Variants in LIMS2 observed in about 807,000 individuals in gnomAD.
The protein encoded by LIMS2 is LIM and senescent cell antigen-like-containing domain protein 2.
A neutral mutation model predicts 45.3 loss-of-function variants in LIMS2; 30 were observed. The observed-to-expected ratio is 0.66, with a 90% CI of 0.50 to 0.90. LIMS2 has a LOEUF of 0.90. LIMS2 is among the 40% of genes least tolerant of loss of function. LIMS2 has a pLI of 0.00. For missense variants in LIMS2, 485 were observed against 468.7 expected, an observed-to-expected ratio of 1.03 and a Z score of -0.32; for synonymous variants, 173 against 188.0, an observed-to-expected ratio of 0.92 and a Z score of 0.65.
At chr2:127,670,408 G>A (rs1685223532) in intron 1 of LIMS2, among the ~76,000 whole-genome samples, 1 of 152,214 alleles carries the variant, frequency 6.6e-6, no homozygotes, top group Non-Finnish European at 1.5e-5. Context: ...CTCCATTTAT[G>A]TGAAATGTCC....
chr2:127,678,997 G>A (rs985600078), upstream of LIMS2, among the ~76,000 whole-genome samples: 1 of 152,178 alleles, frequency 6.6e-6, no homozygotes, highest in South Asian at 2.1e-4. This position sits in a 1 kb window ranked among gnomAD's most constrained non-coding sequence, Gnocchi z 5.3. Context: ...AGGTGGGACT[G>A]GCAGAAAGTG....
chr2:127,640,373 G>A, intron 7 of LIMS2, 55 bp from the exon 8 acceptor site: 2 of 1,580,694 alleles, frequency 1.3e-6, no homozygotes, highest in South Asian at 1.1e-5. Context: ...CCCAGCCCAG[G>A]GCCATCATGC....
At chr2:127,663,686 A>C (rs1573835812) in intron 1 of LIMS2, among the ~76,000 whole-genome samples, 1 of 129,016 alleles carries the variant, frequency 7.8e-6, no homozygotes, top group Non-Finnish European at 1.6e-5. Flanking sequence ...CCTATCTGTC[A>C]CCTTGATGCC....
intron 3 of LIMS2, 79 bp from the exon 4 acceptor site, chr2:127,654,623 A>C (rs1684123180): frequency 6.3e-7 from 1 of 1,596,372 alleles, no homozygotes; most frequent in Non-Finnish European, 8.6e-7. Flanking sequence ...CTGTCCACCT[A>C]GCACTCCGCC....
chr2:127,650,804 T>C (rs1683675652), intron 4 of LIMS2: 4 of 1,613,794 alleles, frequency 2.5e-6, no homozygotes, highest in Admixed American at 1.7e-5. Context: ...CAGAGCAATG[T>C]GGCCAGGAGA....
intron 4 of LIMS2, chr2:127,643,516 A>G (rs2244507): frequency 0.63 from 286,500 of 456,624 alleles, 94,309 homozygotes; most frequent in African/African-American, 0.88. Flanking sequence ...GGGGTTTGCC[A>G]GATGAAGAAG....
chr2:127,661,676 C>T (rs1379780212), intron 1 of LIMS2, among the ~76,000 whole-genome samples: 5 of 152,202 alleles, frequency 3.3e-5, no homozygotes, highest in Non-Finnish European at 5.9e-5. Context: ...CATGCCCTTC[C>T]TCAGCCCTCT....
rs1176256154 is a variant in LIMS2 at position 127,671,735 on chromosome 2, G to A, written c.11+3279C>T. 2.6e-5 allele frequency among the ~76,000 whole-genome samples: 4 copies of A among 152,248 alleles called. No homozygotes were observed. Among genetic ancestry groups the A allele is most frequent in the African/African-American group, 9.6e-5 (4 of 41,458 alleles). On this transcript the variant is annotated intron_variant, in intron 1 of 9. Transcript: ENST00000355119. The surrounding 1 kb of genome is among the most constrained non-coding windows in gnomAD (Gnocchi z 4.1). ...TAGAAGGGGCCAGTCAGCACCAGAAGTAGAAGAAAAAGGAAGGAGGTGAGG... is the reference window on the plus strand; with the variant it reads ...TAGAAGGGGCCAGTCAGCACCAGAAATAGAAGAAAAAGGAAGGAGGTGAGG...
intron 1 of LIMS2, among the ~76,000 whole-genome samples, chr2:127,663,351 C>T (rs565401947): frequency 1.4e-4 from 22 of 152,348 alleles, no homozygotes; most frequent in Admixed American, 6.5e-4. Context: ...CCAGCACAAG[C>T]GGGAGCCCAG....
Position 127,642,741 on chromosome 2 carries a change from G to T in LIMS2, c.509+182C>A. ...CCTGGAGAGAGAAGCTTCCTGCCAT[G>T]GCTGCTTCCCAGCCCCCAGCCCACC... On this transcript the variant is annotated intron_variant, in intron 5 of 9. Coordinates refer to ENST00000355119, the MANE Select transcript of LIMS2 (RefSeq NM_001161403.3). The surrounding 1 kb of genome is among the most constrained non-coding windows in gnomAD (Gnocchi z 5.3). 1.5e-6 allele frequency: 1 copy of T among 658,328 alleles called. No homozygotes were observed. The highest frequency in any genetic ancestry group is 2.5e-6 in the Non-Finnish European group (1 of 394,152). 40.8% of individuals were successfully genotyped at this position (658,328 alleles called of 1,614,324 possible). A position where few individuals can be genotyped will look rare whatever the true frequency, so the allele number is the denominator to read the frequency against.
At chr2:127,640,730 G>T in intron 7 of LIMS2, 166 bp downstream of exon 7, 1 of 641,862 alleles carries the variant, frequency 1.6e-6, no homozygotes, top group South Asian at 1.8e-5. Flanking sequence ...GAAGAGAGCT[G>T]CCCAGGTCTC....
Position 127,660,972 on chromosome 2 carries a change from G to A in LIMS2, c.12-3410C>T, listed in dbSNP as rs12620491. On this transcript the variant is annotated intron_variant, in intron 1 of 9. Transcript: ENST00000355119. ...GGTGGCCACCTCCTTCCTGTGCCCA[G>A]GGGCTGCCCCAGCCCAAGTCACAGA... Among the ~76,000 whole-genome samples the A allele has an allele frequency of 2.8e-4, 42 of 152,340 alleles. No homozygotes were observed. In the East Asian group the frequency reaches 7.7e-3, roughly 28 times the overall value.
intron 4 of LIMS2, among the ~76,000 whole-genome samples, chr2:127,654,024 G>A (rs984620108): frequency 6.6e-6 from 1 of 152,022 alleles, no homozygotes; most frequent in Non-Finnish European, 1.5e-5. Flanking sequence ...CCAAGGGTTC[G>A]CAGAAGGTGG....
chr2:127,662,167 C>T (rs1212318927), intron 1 of LIMS2, among the ~76,000 whole-genome samples: 1 of 152,152 alleles, frequency 6.6e-6, no homozygotes, highest in African/African-American at 2.4e-5. Flanking sequence ...GTCTGTGTGA[C>T]CTGCAGCACA....
intron 4 of LIMS2, chr2:127,650,952 C>G (rs1047310839): frequency 6.2e-7 from 1 of 1,613,934 alleles, no homozygotes; most frequent in Non-Finnish European, 8.5e-7. Flanking sequence ...CCTGATGCAT[C>G]TGGCCGTGGC....
intron 1 of LIMS2, among the ~76,000 whole-genome samples, chr2:127,668,334 T>G (rs534833407): frequency 4.6e-5 from 7 of 151,984 alleles, no homozygotes; most frequent in Non-Finnish European, 8.8e-5. Flanking sequence ...AAAATTTATA[T>G]GAAAATGCAA....
At chr2:127,639,469 C>G (rs1682176954) in intron 9 of LIMS2, 41 bp from the exon 10 acceptor site, 2 of 1,605,750 alleles carry the variant, frequency 1.2e-6, no homozygotes, top group Middle Eastern at 1.7e-4. Context: ...CCCACGCCCA[C>G]CCCTTTAACC....
chr2:127,651,764 C>A (rs34415489), intron 4 of LIMS2: 194,447 of 1,608,084 alleles, frequency 0.12, 13,406 homozygotes, highest in South Asian at 0.27. Flanking sequence ...GAGCGGGGGG[C>A]GCCGTCCAGG....
At chr2:127,639,860 C>T (rs997261952) in intron 9 of LIMS2, among the ~76,000 whole-genome samples, 1 of 152,126 alleles carries the variant, frequency 6.6e-6, no homozygotes, top group South Asian at 2.1e-4. Context: ...TCCTCCTCCT[C>T]TCACTGTGCC....
Sources: gnomAD v4.1 joint callset for allele counts (sites outside exome capture counted in the v4.1 genomes callset) on GRCh38, gnomAD v4.1.1 for gene constraint, Gnocchi (gnomAD v3.1) non-coding constraint, MANE v1.5 for transcripts, NCBI Gene and HGNC (gene_info 2026-07-23, HGNC 2026-07-21) for gene names.